Variants in SRP9 observed in about 807,000 individuals in gnomAD.
SRP9 encodes the protein signal recognition particle 9.
A neutral mutation model predicts 11.7 loss-of-function variants in SRP9; 2 were observed. The ratio of observed to expected loss-of-function variants is 0.17; its 90% confidence interval spans 0.07 to 0.54. The LOEUF (loss-of-function observed/expected upper bound fraction) is 0.54, where lower values mean the gene tolerates loss of function less well. Ranked by LOEUF, SRP9 falls within the 20% of genes least tolerant of loss-of-function variation. The pLI is 0.94. For missense variants in SRP9, 54 were observed against 108.1 expected, an observed-to-expected ratio of 0.50 and a Z score of 2.22; for synonymous variants, 27 against 35.6, an observed-to-expected ratio of 0.76 and a Z score of 0.86.
intron 2 of SRP9, among the ~76,000 whole-genome samples, chr1:225,787,380 A>C (rs1665940027): frequency 6.6e-6 from 1 of 151,970 alleles, no homozygotes; most frequent in Non-Finnish European, 1.5e-5. Flanking sequence ...TAAAAATACA[A>C]ATATTAGCAT....
intron 1 of SRP9, among the ~76,000 whole-genome samples, chr1:225,782,189 G>A (rs75526674): frequency 1.2e-3 from 176 of 151,672 alleles, no homozygotes; most frequent in African/African-American, 4.2e-3. Flanking sequence ...TTTTGAAATG[G>A]AGTCTCGCTC....
chr1:225,778,009 G>A lies in SRP9; in HGVS notation c.69G>A (p.Met23Ile). ...AGAAGCTTTACCTCGCTGACCCTATGAAGGTAAATCGCTGGCGGGGCCGCT... is the reference window on the plus strand; with the variant it reads ...AGAAGCTTTACCTCGCTGACCCTATAAAGGTAAATCGCTGGCGGGGCCGCT... ...AAEKLYLADPMKARVVLKYRH... is the reference protein window; with the variant it reads ...AAEKLYLADPIKARVVLKYRH... Residue 23 changes from methionine to isoleucine, a missense_variant, in exon 1 of 3, where the codon ATG (methionine) becomes ATA (isoleucine). Transcript: ENST00000304786. 6.2e-7 allele frequency: 1 copy of A among 1,614,240 alleles called. No individual in the cohort carries two copies. Among genetic ancestry groups the A allele is most frequent in the East Asian group, 2.2e-5 (1 of 44,886 alleles).
intron 2 of SRP9, among the ~76,000 whole-genome samples, chr1:225,784,317 G>A (rs1665857162): frequency 7.9e-6 from 1 of 126,424 alleles, no homozygotes; most frequent in Non-Finnish European, 1.6e-5. Flanking sequence ...TGTGATCTCG[G>A]CTCACTGCAA....
chr1:225,785,570 CGG>C (rs1665890888), intron 2 of SRP9, among the ~76,000 whole-genome samples: 1 of 151,564 alleles, frequency 6.6e-6, no homozygotes, highest in African/African-American at 2.4e-5. Context: ...TTAGTAGAGA[CGG>C]GGTTTCACCC....
chr1:225,779,980 C>T (rs1665761421), intron 1 of SRP9, among the ~76,000 whole-genome samples: 1 of 152,170 alleles, frequency 6.6e-6, no homozygotes, highest in Non-Finnish European at 1.5e-5. Context: ...TAGAGCATCA[C>T]TGTGAGCAAA....
rs1030783572 is a variant in SRP9, at chr1:225,789,363, G to A, written c.*4G>A. The A allele has an allele frequency of 1.3e-5, 20 of 1,580,192 alleles. No homozygotes were observed. Among genetic ancestry groups the A allele is most frequent in the Non-Finnish European group, 7.7e-6 (9 of 1,166,192 alleles). On this transcript the variant is annotated 3_prime_UTR_variant, in exon 3 of 3. Coordinates refer to ENST00000304786, the MANE Select transcript of SRP9 (RefSeq NM_003133.6). ...TGTTACCATGGAAACTGAGTGAATGGTTTGAAATGAAGACTTTGTCGTGTA... is the reference window on the plus strand; with the variant it reads ...TGTTACCATGGAAACTGAGTGAATGATTTGAAATGAAGACTTTGTCGTGTA...
At chr1:225,788,585 T>C (rs1433914567) in intron 2 of SRP9, among the ~76,000 whole-genome samples, 1 of 151,880 alleles carries the variant, frequency 6.6e-6, no homozygotes, top group Non-Finnish European at 1.5e-5. Flanking sequence ...CCAGCTAATT[T>C]TTGTATTTTT....
intron 1 of SRP9, among the ~76,000 whole-genome samples, chr1:225,781,816 GA>G (rs1329156639): frequency 1.3e-5 from 2 of 152,044 alleles, no homozygotes; most frequent in South Asian, 4.1e-4. Flanking sequence ...CGTTTCTAGA[GA>G]ACTGAATTTT....
intron 1 of SRP9, among the ~76,000 whole-genome samples, chr1:225,780,585 A>G (rs913007091): frequency 6.6e-6 from 1 of 152,210 alleles, no homozygotes; most frequent in Admixed American, 6.5e-5. Flanking sequence ...CCATCAAAGT[A>G]TATAAATGAA....
chr1:225,779,547 C>A lies in SRP9; in HGVS notation c.72+1535C>A, dbSNP rs147620095. On this transcript the variant is annotated intron_variant, in intron 1 of 2. Transcript: ENST00000304786. The stretch of plus-strand genomic sequence containing the variant: ...CTGGTAACCTGTAACTCCAATGCCA[C>A]ATACAGTTTATAGTGCATATAAGTT... 1.9e-3 allele frequency among the ~76,000 whole-genome samples: 285 copies of A among 152,270 alleles called. 1 individual carries two copies. The highest frequency in any genetic ancestry group is 6.5e-3 in the African/African-American group (271 of 41,532).
At chr1:225,783,794 C>A (rs908455027) in intron 2 of SRP9, among the ~76,000 whole-genome samples, 7 of 152,204 alleles carry the variant, frequency 4.6e-5, no homozygotes, top group African/African-American at 1.7e-4. Context: ...GGTACTCCAG[C>A]GAAACTGCTC....
intron 1 of SRP9, among the ~76,000 whole-genome samples, chr1:225,781,349 A>G (rs1464109803): frequency 6.6e-6 from 1 of 151,008 alleles, no homozygotes; most frequent in African/African-American, 2.4e-5. Flanking sequence ...TAAATTACCA[A>G]ATGGACCCTT....
chr1:225,780,320 C>T (rs995643975), intron 1 of SRP9, among the ~76,000 whole-genome samples: 2 of 151,634 alleles, frequency 1.3e-5, no homozygotes, highest in Non-Finnish European at 2.9e-5. Flanking sequence ...TGGCGCCTGG[C>T]TTGACTGATA....
At chr1:225,787,015 A>G in intron 2 of SRP9, 1 of 339,120 alleles carries the variant, frequency 2.9e-6, no homozygotes, top group Non-Finnish European at 5.7e-6. Context: ...GCTAATTTTT[A>G]AATTTTTTTG....
intron 2 of SRP9, among the ~76,000 whole-genome samples, chr1:225,785,297 T>C: frequency 6.7e-6 from 1 of 148,936 alleles, no homozygotes; most frequent in East Asian, 2.0e-4. Flanking sequence ...CAGGATGGTC[T>C]CCATCTCTTT....
intron 1 of SRP9, among the ~76,000 whole-genome samples, chr1:225,778,373 A>G (rs999554096): frequency 1.2e-4 from 18 of 152,160 alleles, no homozygotes; most frequent in African/African-American, 4.3e-4. Context: ...TGTACCGCCT[A>G]GGCGGTAAGG....
chr1:225,786,542 T>C (rs1250705865), intron 2 of SRP9, among the ~76,000 whole-genome samples: 1 of 152,220 alleles, frequency 6.6e-6, no homozygotes, highest in African/African-American at 2.4e-5. Flanking sequence ...TTTTAGTGAT[T>C]ACCATGTCTT....
At chr1:225,786,452 A>G (rs1665918826) in intron 2 of SRP9, among the ~76,000 whole-genome samples, 1 of 152,228 alleles carries the variant, frequency 6.6e-6, no homozygotes, top group Non-Finnish European at 1.5e-5. Flanking sequence ...GAGTGATTTT[A>G]AAAATCACTT....
At chr1:225,788,578 G>C (rs192084481) in intron 2 of SRP9, among the ~76,000 whole-genome samples, 484 of 152,166 alleles carry the variant, frequency 3.2e-3, no homozygotes, top group Non-Finnish European at 4.8e-3. Context: ...ACCACGCCCA[G>C]CTAATTTTTG....
Sources: allele counts gnomAD v4.1 joint callset (sites outside exome capture counted in the v4.1 genomes callset), GRCh38; gene constraint gnomAD v4.1.1; transcripts MANE v1.5; gene names NCBI Gene and HGNC (gene_info 2026-07-23, HGNC 2026-07-21).